GTF3C5: variants seen among roughly 807,000 people sequenced by gnomAD.
The protein encoded by GTF3C5 is general transcription factor 3C polypeptide 5.
In GTF3C5, 47 loss-of-function variants were observed where a neutral mutation model predicts 61.0. The observed-to-expected ratio is 0.77, with a 90% CI of 0.61 to 0.98. The LOEUF (loss-of-function observed/expected upper bound fraction) is 0.98, where lower values mean the gene tolerates loss of function less well. Among genes scored for constraint, GTF3C5 ranks in the 50% least tolerant of loss-of-function variants. GTF3C5 has a pLI of 0.00. For synonymous variants in GTF3C5, 295 were observed against 275.4 expected (o/e 1.07, Z -0.71); for missense variants, 659 against 703.3 (o/e 0.94, Z 0.71).
rs1588475720 is a variant in GTF3C5, at chr9:133,050,959, T to G, written c.749T>G (p.Val250Gly). ...RVCTNPVDRK[V>G]EEELRKLFDI... ...TGCACTAACCCCGTGGACCGGAAGG[T>G]GGAGGAGGAGCTGAGGAAGGCAAGT... The change falls in exon 4 of 11, where the codon GTG (valine) becomes GGG (glycine). Residue 250 changes from valine (V) to glycine (G), a missense_variant. Physicochemically the swap from Val to Gly is moderately radical, Grantham distance 109 (BLOSUM62 -3). Transcript: ENST00000372097. The G allele has an allele frequency of 6.2e-7, 1 of 1,609,592 alleles. No individual in the cohort carries two copies. The highest frequency in any genetic ancestry group is 8.5e-7 in the Non-Finnish European group (1 of 1,178,100).
At chr9:133,047,878 AC>A (rs1350453293) in intron 3 of GTF3C5, among the ~76,000 whole-genome samples, 1 of 152,204 alleles carries the variant, frequency 6.6e-6, no homozygotes, top group African/African-American at 2.4e-5. Context: ...TAATTCCAGC[AC>A]TTTGAGAGGC....
At chr9:133,037,225 A>G (rs1311290347) in intron 1 of GTF3C5, among the ~76,000 whole-genome samples, 1 of 152,124 alleles carries the variant, frequency 6.6e-6, no homozygotes, top group Admixed American at 6.5e-5. Context: ...TAAATATATT[A>G]CTGTAAACCA....
At chr9:133,032,577 A>G (rs1849761573) in intron 1 of GTF3C5, among the ~76,000 whole-genome samples, 2 of 152,218 alleles carry the variant, frequency 1.3e-5, no homozygotes, top group Admixed American at 6.5e-5. Flanking sequence ...TTTCTCTTCA[A>G]ACCTTTTTAG....
At chr9:133,056,115 G>T in intron 9 of GTF3C5, 21 bp downstream of exon 9, 1 of 1,604,302 alleles carries the variant, frequency 6.2e-7, no homozygotes, top group Non-Finnish European at 8.5e-7. Flanking sequence ...GAGGGGCCCT[G>T]AGACACTGAG....
chr9:133,040,640 T>G lies in GTF3C5; in HGVS notation c.154-1447T>G, dbSNP rs555950873. On this transcript the variant is annotated intron_variant, in intron 1 of 10. Coordinates refer to ENST00000372097, the MANE Select transcript of GTF3C5 (RefSeq NM_012087.4). ...CAGAGCCCAAATGGTTGTTACTGATTGATTTAATCTCATTTGGACCTCGAA... is the reference window on the plus strand; with the variant it reads ...CAGAGCCCAAATGGTTGTTACTGATGGATTTAATCTCATTTGGACCTCGAA... 3.3e-5 allele frequency among the ~76,000 whole-genome samples: 5 copies of G among 152,314 alleles called. No homozygotes were observed. The East Asian group carries it at 7.7e-4, about 23-fold the overall frequency.
rs1025575963 is a variant in GTF3C5 at position 133,050,840 on chromosome 9, C to G, written c.630C>G (p.Ala210=). The change falls in exon 4 of 11, where the codon GCC becomes GCG. Residue 210 remains alanine (A), a synonymous_variant. Coordinates refer to ENST00000372097, the MANE Select transcript of GTF3C5 (RefSeq NM_012087.4). ...SGENLIGLSR[A]RRPHNAIFVN... ...AGAATCTGATTGGCCTGAGCAGAGC[C>G]CGGCGCCCCCACAATGCCATCTTTG... 1 of 1,613,950 alleles carries G rather than the reference C, an allele frequency of 6.2e-7. No individual in the cohort carries two copies. The highest frequency in any genetic ancestry group is 8.5e-7 in the Non-Finnish European group (1 of 1,179,968).
At chr9:133,044,228 G>T (rs1347515980) in intron 3 of GTF3C5, 7 of 404,938 alleles carry the variant, frequency 1.7e-5, no homozygotes, top group Non-Finnish European at 2.7e-5. Flanking sequence ...TTTAAAAAGT[G>T]TGTGCAGTTC....
At chr9:133,035,981 C>T (rs1319268680) in intron 1 of GTF3C5, among the ~76,000 whole-genome samples, 1 of 152,204 alleles carries the variant, frequency 6.6e-6, no homozygotes, top group African/African-American at 2.4e-5. Flanking sequence ...TTTGCAAGTG[C>T]TTTAAGGCTT....
At chr9:133,054,043 T>C in intron 6 of GTF3C5, 101 bp downstream of exon 6, 1 of 839,648 alleles carries the variant, frequency 1.2e-6, no homozygotes, top group South Asian at 1.7e-5. Flanking sequence ...TTGGAAAGAA[T>C]AAAAAAACCT....
intron 1 of GTF3C5, among the ~76,000 whole-genome samples, chr9:133,037,411 C>A (rs1377812285): frequency 2.6e-5 from 4 of 152,076 alleles, no homozygotes; most frequent in Non-Finnish European, 5.9e-5. Flanking sequence ...GGAGCCCGTC[C>A]CTAATGAGAC....
chr9:133,055,362 G>A (rs1304554946), intron 8 of GTF3C5: 7 of 1,323,180 alleles, frequency 5.3e-6, no homozygotes, highest in Non-Finnish European at 6.9e-6. Context: ...GGAGTGGGTG[G>A]CAGAGATGAG....
intron 3 of GTF3C5, among the ~76,000 whole-genome samples, chr9:133,047,676 C>T (rs1159404632): frequency 6.6e-6 from 1 of 152,142 alleles, no homozygotes; most frequent in Non-Finnish European, 1.5e-5. Context: ...TGCGCGCCAT[C>T]ACGCCCAGCT....
intron 8 of GTF3C5, chr9:133,055,772 C>T (rs772694490): frequency 4.4e-6 from 6 of 1,352,224 alleles, no homozygotes; most frequent in South Asian, 1.7e-5. Context: ...GCGGGCTCAC[C>T]GTTTCCAGTG....
chr9:133,055,841 A>C, intron 8 of GTF3C5, 171 bp from the exon 9 acceptor site: 1 of 1,411,486 alleles, frequency 7.1e-7, no homozygotes, highest in Non-Finnish European at 9.2e-7. Context: ...GGAGTTGGAC[A>C]TTGTTTTTTC....
chr9:133,046,344 AAAAC>A (rs1461189255), intron 3 of GTF3C5, among the ~76,000 whole-genome samples: 1 of 152,186 alleles, frequency 6.6e-6, no homozygotes, highest in Admixed American at 6.5e-5. Context: ...AACAAAACAA[AAAAC>A]AAACAGAAAA....
chr9:133,049,826 G>A (rs1049619238), intron 3 of GTF3C5, among the ~76,000 whole-genome samples: 2 of 152,042 alleles, frequency 1.3e-5, no homozygotes, highest in African/African-American at 2.4e-5. Flanking sequence ...AAAATAAGGC[G>A]CAGCGATTTC....
chr9:133,043,757 C>T lies in GTF3C5; in HGVS notation c.403C>T (p.His135Tyr), dbSNP rs1177325924. 5 of 1,614,026 alleles carry T rather than the reference C, an allele frequency of 3.1e-6. No individual in the cohort carries two copies. The highest frequency in any genetic ancestry group is 4.2e-6 in the Non-Finnish European group (5 of 1,180,012). ...GTCTGACTTCCAGTACTTGGCTGTG[C>T]ATACGGAAGCAGGCGGCAAGCATAC... is the stretch of plus-strand genomic sequence containing the variant. ...GMSDFQYLAV[H>Y]TEAGGKHTSM... The change falls in exon 3 of 11, where the codon CAT becomes TAT. Residue 135 changes from histidine to tyrosine, a missense_variant. His to Tyr is a moderately conservative substitution (Grantham distance 83). Coordinates refer to ENST00000372097, the MANE Select transcript of GTF3C5 (RefSeq NM_012087.4).
In GTF3C5 at chr9:133,054,446, A is replaced by G; in HGVS notation, c.1027A>G (p.Ser343Gly). ...PSDLPVKAKRSTYNYSLPITV... is the reference protein window; with the variant it reads ...PSDLPVKAKRGTYNYSLPITV... The stretch of plus-strand genomic sequence containing the variant: ...TGACTTGCCGGTCAAAGCAAAGCGC[A>G]GCACCTACAACTACAGCCTCCCCAT... Residue 343 changes from serine to glycine, a missense_variant, in exon 7 of 11, where the codon AGC (serine) becomes GGC (glycine). Transcript: ENST00000372097. 6.2e-7 allele frequency: 1 copy of G among 1,614,190 alleles called. No homozygotes were observed. The highest frequency in any genetic ancestry group is 2.2e-5 in the East Asian group (1 of 44,890).
chr9:133,031,032 T>TTTGGGGCTGGGGGCCGCC lies in GTF3C5; in HGVS notation c.22_39dup (p.Leu8_Ala13dup). On this transcript the variant is annotated inframe_insertion, in exon 1 of 11. Transcript: ENST00000372097. Reference sequence around the variant, plus strand: ...CAGGGATGGCGGCGGAGGCGGCCGATTTGGGGCTGGGGGCCGCCGTCCCCG... The same window carrying TTTGGGGCTGGGGGCCGCC: ...CAGGGATGGCGGCGGAGGCGGCCGATTTGGGGCTGGGGGCCGCCTTGGGGCTGGGGGCCGCCGTCCCCG... 1 of 1,612,004 alleles carries TTTGGGGCTGGGGGCCGCC rather than the reference T, an allele frequency of 6.2e-7. No homozygotes were observed. Among genetic ancestry groups the TTTGGGGCTGGGGGCCGCC allele is most frequent in the Non-Finnish European group, 8.5e-7 (1 of 1,179,088 alleles).
Sources: gnomAD v4.1 joint callset for allele counts (sites outside exome capture counted in the v4.1 genomes callset) on GRCh38, gnomAD v4.1.1 for gene constraint, MANE v1.5 for transcripts, NCBI Gene and HGNC (gene_info 2026-07-23, HGNC 2026-07-21) for gene names.